The following AIG1 variants were observed in gnomAD, a reference collection of about 807,000 sequenced individuals.
AIG1 encodes the protein androgen-induced gene 1 protein.
A neutral mutation model predicts 31.4 loss-of-function variants in AIG1; 23 were observed. The observed-to-expected ratio is 0.73, with a 90% CI of 0.53 to 1.04. The LOEUF is 1.04. Ranked by LOEUF, AIG1 falls within the 50% of genes least tolerant of loss-of-function variation. The pLI is 0.00. For synonymous variants in AIG1, 100 were observed against 110.5 expected (o/e 0.90, Z 0.60); for missense variants, 274 against 295.0 (o/e 0.93, Z 0.52).
intron 1 of AIG1, among the ~76,000 whole-genome samples, chr6:143,089,399 C>G (rs998927949): frequency 6.6e-6 from 1 of 152,086 alleles, no homozygotes; most frequent in Admixed American, 6.5e-5. Flanking sequence ...TCTATGAGCT[C>G]TCTGACTTGG....
At chr6:143,165,220 A>T in intron 3 of AIG1, 37 bp downstream of exon 3, 2 of 1,507,888 alleles carry the variant, frequency 1.3e-6, no homozygotes, top group South Asian at 1.1e-5. Flanking sequence ...CTTTTATTTT[A>T]AAAAATCTAT....
chr6:143,256,260 C>T lies in AIG1; in HGVS notation c.400-27850C>T, dbSNP rs75774783. ...TGAAAACAACTGGCTGGGAAATGGA[C>T]ACTATGATTAAAATCTAAGGAAAAT... On this transcript the variant is annotated intron_variant, in intron 3 of 5. Transcript: ENST00000357847. This position sits in a 1 kb window ranked among gnomAD's most constrained non-coding sequence, Gnocchi z 4.6. 6.6e-6 allele frequency among the ~76,000 whole-genome samples: 1 copy of T among 152,282 alleles called. No homozygotes were observed. Among genetic ancestry groups the T allele is most frequent in the African/African-American group, 2.4e-5 (1 of 41,566 alleles).
intron 1 of AIG1, among the ~76,000 whole-genome samples, chr6:143,129,149 G>A (rs1251302996): frequency 6.6e-6 from 1 of 152,106 alleles, no homozygotes; most frequent in African/African-American, 2.4e-5. Context: ...AAATTAGGCG[G>A]GTGTGGGGGC....
intron 3 of AIG1, among the ~76,000 whole-genome samples, chr6:143,179,410 A>T (rs1296944434): frequency 6.6e-6 from 1 of 152,230 alleles, no homozygotes; most frequent in East Asian, 1.9e-4. Context: ...TCTACAGCCC[A>T]GGACCACAGA....
chr6:143,337,263 C>T (rs765472235), intron 5 of AIG1, among the ~76,000 whole-genome samples: 1 of 152,222 alleles, frequency 6.6e-6, no homozygotes, highest in African/African-American at 2.4e-5. Context: ...TTATTGGCCT[C>T]CCATGCAAGT....
intron 2 of AIG1, among the ~76,000 whole-genome samples, chr6:143,146,959 G>A (rs976594541): frequency 1.3e-5 from 2 of 152,140 alleles, no homozygotes; most frequent in African/African-American, 2.4e-5. Flanking sequence ...CAGAAAATCA[G>A]GTGGGAAGGT....
chr6:143,086,830 G>A (rs960483346), intron 1 of AIG1, among the ~76,000 whole-genome samples: 2 of 152,180 alleles, frequency 1.3e-5, no homozygotes, highest in Non-Finnish European at 2.9e-5. Flanking sequence ...AGGAAAGATG[G>A]GGCGCACGCA....
chr6:143,289,601 T>C (rs925287185), intron 4 of AIG1, among the ~76,000 whole-genome samples: 1 of 152,182 alleles, frequency 6.6e-6, no homozygotes, highest in Non-Finnish European at 1.5e-5. Context: ...TTATTTCATG[T>C]CAAAATTCTA....
intron 3 of AIG1, among the ~76,000 whole-genome samples, chr6:143,253,915 T>A (rs1039342616): frequency 6.6e-6 from 1 of 152,226 alleles, no homozygotes; most frequent in Non-Finnish European, 1.5e-5. Context: ...CCTATTAGGC[T>A]GGCAGTAGAA....
intron 3 of AIG1, among the ~76,000 whole-genome samples, chr6:143,192,033 T>G (rs1002183906): frequency 1.3e-5 from 2 of 152,198 alleles, no homozygotes; most frequent in African/African-American, 4.8e-5. Context: ...GATTATACAG[T>G]TGAAAACTTG....
chr6:143,177,420 T>C (rs1788274914), intron 3 of AIG1, among the ~76,000 whole-genome samples: 1 of 152,252 alleles, frequency 6.6e-6, no homozygotes, highest in African/African-American at 2.4e-5. Context: ...ACACATTGCC[T>C]CTTCTGATTT....
chr6:143,091,423 G>C (rs1384403613), intron 1 of AIG1, among the ~76,000 whole-genome samples: 3 of 152,214 alleles, frequency 2.0e-5, no homozygotes, highest in Non-Finnish European at 4.4e-5. Context: ...CGATCTGACA[G>C]TGCAACTGCA....
upstream of AIG1, among the ~76,000 whole-genome samples, chr6:143,059,482 G>C (rs1776084065): frequency 6.6e-6 from 1 of 151,708 alleles, no homozygotes; most frequent in African/African-American, 2.4e-5. Flanking sequence ...ATGTACCAAG[G>C]ATGCACAATT....
intron 1 of AIG1, among the ~76,000 whole-genome samples, chr6:143,102,156 G>T (rs961836319): frequency 1.9e-4 from 29 of 151,914 alleles, no homozygotes; most frequent in African/African-American, 6.5e-4. Context: ...CTTGCTTTAT[G>T]ACATATTATT....
chr6:143,294,776 C>A (rs1562565398), intron 4 of AIG1, among the ~76,000 whole-genome samples: 1 of 152,098 alleles, frequency 6.6e-6, no homozygotes, highest in East Asian at 1.9e-4. Context: ...ACACTCTGTT[C>A]CTCTGATTTA....
At chr6:143,153,848 A>C (rs1437431136) in intron 2 of AIG1, among the ~76,000 whole-genome samples, 1 of 151,934 alleles carries the variant, frequency 6.6e-6, no homozygotes, top group Non-Finnish European at 1.5e-5. Context: ...AGGTTCTTCT[A>C]GGGGACCCAG....
Position 143,189,984 on chromosome 6 carries a change from G to T in AIG1, c.399+24801G>T, listed in dbSNP as rs913073042. On this transcript the variant is annotated intron_variant, in intron 3 of 5. Transcript: ENST00000357847. ...TCCTCTTCCAGATTACAGACTTCCA[G>T]CTTCTTGCTGTGTCCTCACATGGTG... The T allele has an allele frequency of 2.9e-5, 14 of 482,542 alleles. No homozygotes were observed. In the African/African-American group the frequency reaches 2.9e-4, roughly 10 times the overall value. 29.9% of individuals were successfully genotyped at this position (482,542 alleles called of 1,614,324 possible).
rs899188288 is a variant in AIG1 at position 143,325,029 on chromosome 6, G to T, written c.516-8253G>T. Among the ~76,000 whole-genome samples, 92 of 152,152 alleles carry T rather than the reference G, an allele frequency of 6.0e-4. 1 individual carries two copies. The highest frequency in any genetic ancestry group is 2.2e-3 in the African/African-American group (91 of 41,432). Reference sequence around the variant, plus strand: ...CATTTATACCCAGTCAACATCCAAAGTAGATTCGAATGTTGTACATACCAC... The same window carrying T: ...CATTTATACCCAGTCAACATCCAAATTAGATTCGAATGTTGTACATACCAC... On this transcript the variant is annotated intron_variant, in intron 4 of 5. Transcript: ENST00000357847. The surrounding 1 kb of genome is among the most constrained non-coding windows in gnomAD (Gnocchi z 4.3).
In AIG1 at chr6:143,297,279, T is replaced by C. The variant is rs940943736; in HGVS notation, c.515+13054T>C. ...CCTAGAAGCAACGGAGAGGAAACCA[T>C]AGTCAGGGAGCCAAAGCAGTTCAGT... On this transcript the variant is annotated intron_variant, in intron 4 of 5. Coordinates refer to ENST00000357847, the MANE Select transcript of AIG1 (RefSeq NM_016108.4). This position sits in a 1 kb window ranked among gnomAD's most constrained non-coding sequence, Gnocchi z 5.1. 2.0e-5 allele frequency among the ~76,000 whole-genome samples: 3 copies of C among 152,134 alleles called. No homozygotes were observed. The highest frequency in any genetic ancestry group is 7.2e-5 in the African/African-American group (3 of 41,424).
Sources: allele counts gnomAD v4.1 joint callset (sites outside exome capture counted in the v4.1 genomes callset), GRCh38; gene constraint gnomAD v4.1.1; non-coding constraint Gnocchi (gnomAD v3.1); transcripts MANE v1.5; gene names NCBI Gene and HGNC (gene_info 2026-07-23, HGNC 2026-07-21).